Variants in TSPAN9 observed in about 807,000 individuals in gnomAD.
TSPAN9 encodes tetraspanin-9.
TSPAN9 carries 16 observed loss-of-function variants against 31.0 expected under a neutral mutation model. That is an observed-to-expected ratio of 0.52 (90% confidence interval 0.35 to 0.78). The LOEUF (loss-of-function observed/expected upper bound fraction) is 0.78, where lower values mean the gene tolerates loss of function less well. Among genes scored for constraint, TSPAN9 ranks in the 30% least tolerant of loss-of-function variants. The pLI is 0.01. For synonymous variants in TSPAN9, 145 were observed against 121.6 expected (o/e 1.19, Z -1.27); for missense variants, 272 against 312.5 (o/e 0.87, Z 0.98).
At chr12:3,273,807 C>T (rs948342513) in intron 3 of TSPAN9, among the ~76,000 whole-genome samples, 1 of 152,198 alleles carries the variant, frequency 6.6e-6, no homozygotes, top group African/African-American at 2.4e-5. Context: ...AGGCCTGGCT[C>T]ACCAAGACTT....
chr12:3,125,818 A>T (rs1224134305), intron 2 of TSPAN9, among the ~76,000 whole-genome samples: 2 of 152,122 alleles, frequency 1.3e-5, no homozygotes, highest in Non-Finnish European at 2.9e-5. Context: ...ACTGACCCTC[A>T]AGTGAGCCCA....
At chr12:3,140,173 G>A (rs1463654721) in intron 2 of TSPAN9, among the ~76,000 whole-genome samples, 1 of 151,922 alleles carries the variant, frequency 6.6e-6, no homozygotes, top group Non-Finnish European at 1.5e-5. Flanking sequence ...AAGGAATTAA[G>A]TCCTGGAGTG....
At chr12:3,084,162 A>G (rs1212142193) in intron 2 of TSPAN9, 1 of 152,318 alleles carries the variant, frequency 6.6e-6, no homozygotes, top group Admixed American at 6.6e-5. Context: ...ACCGCCCTCC[A>G]CCAGGACCCC....
At chr12:3,205,976 T>C (rs1431310732) in intron 3 of TSPAN9, among the ~76,000 whole-genome samples, 1 of 152,092 alleles carries the variant, frequency 6.6e-6, no homozygotes, top group African/African-American at 2.4e-5. Flanking sequence ...AGAGCAAGCA[T>C]TGGTGTCAAT....
intron 2 of TSPAN9, among the ~76,000 whole-genome samples, chr12:3,181,339 A>C (rs1211424081): frequency 3.9e-5 from 6 of 152,204 alleles, no homozygotes; most frequent in African/African-American, 1.4e-4. Flanking sequence ...TCCATAATTC[A>C]GACAAGGAAA....
intron 6 of TSPAN9, 145 bp from the exon 7 acceptor site, chr12:3,281,053 C>A: frequency 7.4e-7 from 1 of 1,348,166 alleles, no homozygotes; most frequent in Non-Finnish European, 1.0e-6. Context: ...AAAGAAGGGA[C>A]AAGAAGCAAG....
intron 2 of TSPAN9, among the ~76,000 whole-genome samples, chr12:3,141,685 G>T (rs2098334943): frequency 6.6e-6 from 1 of 152,226 alleles, no homozygotes; most frequent in African/African-American, 2.4e-5. Context: ...CAGAGGCTGG[G>T]CTGCGCGGCC....
At chr12:3,095,586 GCGCCCC>G in intron 2 of TSPAN9, among the ~76,000 whole-genome samples, 1 of 128,170 alleles carries the variant, frequency 7.8e-6, no homozygotes, top group Non-Finnish European at 1.7e-5. Flanking sequence ...CCGGGCAGAG[GCGCCCC>G]TCACCTCCCA....
At chr12:3,153,550 C>T (rs2098340845) in intron 2 of TSPAN9, among the ~76,000 whole-genome samples, 1 of 152,174 alleles carries the variant, frequency 6.6e-6, no homozygotes, top group Non-Finnish European at 1.5e-5. Context: ...TTATGATCAT[C>T]ATCATCACAC....
chr12:3,210,133 CAAAA>C (rs61255920), intron 3 of TSPAN9, among the ~76,000 whole-genome samples: 1 of 141,224 alleles, frequency 7.1e-6, no homozygotes, highest in Non-Finnish European at 1.5e-5. Context: ...GACTCCGTCT[CAAAA>C]AAAAAAAAAA....
chr12:3,268,969 T>C (rs1434708130), intron 3 of TSPAN9, among the ~76,000 whole-genome samples: 15 of 87,276 alleles, frequency 1.7e-4, no homozygotes, highest in East Asian at 1.4e-3. Flanking sequence ...GCCCTCTCTG[T>C]GTTCCTGCAG....
At chr12:3,175,753 C>T (rs948665765) in intron 2 of TSPAN9, among the ~76,000 whole-genome samples, 8 of 152,192 alleles carry the variant, frequency 5.3e-5, no homozygotes, top group African/African-American at 1.9e-4. Flanking sequence ...TACCCTGCCC[C>T]ACCTCCGTGG....
chr12:3,244,200 T>C lies in TSPAN9; in HGVS notation c.64-34221T>C, dbSNP rs1027160535. 2.6e-5 allele frequency among the ~76,000 whole-genome samples: 4 copies of C among 152,198 alleles called. No homozygotes were observed. In the South Asian group the frequency reaches 6.2e-4, roughly 24 times the overall value. ...TGTCTATGTCTGTGACGCAGCCTTCTTGACCCAGACTCTTGTCCCCTCCCC... is the reference window on the plus strand; with the variant it reads ...TGTCTATGTCTGTGACGCAGCCTTCCTGACCCAGACTCTTGTCCCCTCCCC... On this transcript the variant is annotated intron_variant, in intron 3 of 8. Coordinates refer to ENST00000011898, the MANE Select transcript of TSPAN9 (RefSeq NM_006675.5).
chr12:3,100,298 T>G (rs2098311286), intron 2 of TSPAN9, among the ~76,000 whole-genome samples: 1 of 152,188 alleles, frequency 6.6e-6, no homozygotes, highest in African/African-American at 2.4e-5. Flanking sequence ...GTCTGGGTAC[T>G]CTTCTCGAAG....
rs148627588 is a variant in TSPAN9 at position 3,272,082 on chromosome 12, A to G, written c.64-6339A>G. ...ACATTAGGGAGCACTCAGTCCTAGC[A>G]TTTGAAAATTTCCTGCAAGCAAAAA... On this transcript the variant is annotated intron_variant, in intron 3 of 8. Coordinates refer to ENST00000011898, the MANE Select transcript of TSPAN9 (RefSeq NM_006675.5). 1.8e-3 allele frequency among the ~76,000 whole-genome samples: 276 copies of G among 152,310 alleles called. 2 individuals are homozygous for G. Among genetic ancestry groups the G allele is most frequent in the African/African-American group, 6.3e-3 (260 of 41,552 alleles).
intron 2 of TSPAN9, among the ~76,000 whole-genome samples, chr12:3,103,495 C>T (rs1022261497): frequency 1.4e-5 from 2 of 141,316 alleles, no homozygotes; most frequent in Non-Finnish European, 2.9e-5. Flanking sequence ...TGGACGTGCC[C>T]ACCTGGGGAC....
At chr12:3,213,334 C>A (rs1277168104) in intron 3 of TSPAN9, among the ~76,000 whole-genome samples, 6 of 152,312 alleles carry the variant, frequency 3.9e-5, no homozygotes, top group Middle Eastern at 3.4e-3. Context: ...GCCCCCTGCC[C>A]TCTCAAGGGG....
chr12:3,263,866 C>T (rs1176910515), intron 3 of TSPAN9, among the ~76,000 whole-genome samples: 1 of 151,956 alleles, frequency 6.6e-6, no homozygotes, highest in Non-Finnish European at 1.5e-5. Context: ...CTGGATTGGA[C>T]CGAGAACAGT....
At position 3,280,016 on chromosome 12, in the gene TSPAN9, G is replaced by A. The variant is rs1326431032; in HGVS notation, c.331-366G>A. Among the ~76,000 whole-genome samples, 1 of 151,958 alleles carries A rather than the reference G, an allele frequency of 6.6e-6. No individual in the cohort carries two copies. Among genetic ancestry groups the A allele is most frequent in the African/African-American group, 2.4e-5 (1 of 41,372 alleles). ...GGGCAGTCTGTGGGGAAGCTGTGTA[G>A]TGGGGGGCGGGGGTGGCAGAGTGGC... On this transcript the variant is annotated intron_variant, in intron 5 of 8. Coordinates refer to ENST00000011898, the MANE Select transcript of TSPAN9 (RefSeq NM_006675.5). This position sits in a 1 kb window ranked among gnomAD's most constrained non-coding sequence, Gnocchi z 4.5.
Sources: allele counts gnomAD v4.1 joint callset (sites outside exome capture counted in the v4.1 genomes callset), GRCh38; gene constraint gnomAD v4.1.1; non-coding constraint Gnocchi (gnomAD v3.1); transcripts MANE v1.5; gene names NCBI Gene and HGNC (gene_info 2026-07-23, HGNC 2026-07-21).